The following NTM variants were observed in gnomAD, a reference collection of about 807,000 sequenced individuals.
NTM encodes the protein neurotrimin, also known as IgLON family member 2.
A neutral mutation model predicts 42.1 loss-of-function variants in NTM; 13 were observed. The ratio of observed to expected loss-of-function variants is 0.31; its 90% confidence interval spans 0.20 to 0.49. The LOEUF (loss-of-function observed/expected upper bound fraction) is 0.49. Ranked by LOEUF, NTM falls within the 20% of genes least tolerant of loss-of-function variation. The pLI is 0.99. For missense variants in NTM, 373 were observed against 452.8 expected (o/e 0.82, Z 1.60); for synonymous variants, 187 against 179.2 (o/e 1.04, Z -0.35).
intron 4 of NTM, chr11:132,284,473 A>G (rs2094141289): frequency 6.5e-6 from 1 of 152,760 alleles, no homozygotes; most frequent in South Asian, 2.1e-4. Flanking sequence ...CCTCAGTTTA[A>G]CTGCATGACC....
At chr11:131,861,159 A>C (rs2046591906) in intron 1 of NTM, among the ~76,000 whole-genome samples, 1 of 152,152 alleles carries the variant, frequency 6.6e-6, no homozygotes. Flanking sequence ...CCAAAAGAAG[A>C]CATCATTTTC....
rs564140251 is a variant in NTM at position 131,928,386 on chromosome 11, G to A, written c.167+16738G>A. ...TAATACATTCCATTAGCAAAAACAA[G>A]TTAAAATGCTTAGGCATGTATAGAG... On this transcript the variant is annotated intron_variant, in intron 2 of 8. Coordinates refer to ENST00000683400, the MANE Select transcript of NTM (RefSeq NM_001352005.2). 3.3e-5 allele frequency among the ~76,000 whole-genome samples: 5 copies of A among 152,334 alleles called. No homozygotes were observed. In the East Asian group the frequency reaches 9.6e-4, roughly 29 times the overall value.
chr11:132,059,484 G>A (rs1287012919), intron 2 of NTM, among the ~76,000 whole-genome samples: 1 of 152,206 alleles, frequency 6.6e-6, no homozygotes, highest in Non-Finnish European at 1.5e-5. Flanking sequence ...CACATTCTTT[G>A]TATTTTGAAA....
chr11:132,154,811 G>T (rs2072813013), intron 3 of NTM, among the ~76,000 whole-genome samples: 1 of 152,190 alleles, frequency 6.6e-6, no homozygotes, highest in Non-Finnish European at 1.5e-5. Context: ...GTAAATAATT[G>T]TCTAACATTG....
chr11:132,189,954 A>G (rs565641272), intron 3 of NTM, among the ~76,000 whole-genome samples: 15 of 152,344 alleles, frequency 9.8e-5, no homozygotes, highest in Admixed American at 2.0e-4. Context: ...AGAATCTCAT[A>G]TTCTTGTGGG....
intron 4 of NTM, among the ~76,000 whole-genome samples, chr11:132,219,381 G>A (rs938443575): frequency 6.6e-6 from 1 of 152,074 alleles, no homozygotes; most frequent in African/African-American, 2.4e-5. Flanking sequence ...ATGCTGTTTT[G>A]TCTTTAGTGT....
chr11:131,758,957 A>T (rs1444814391), intron 1 of NTM, among the ~76,000 whole-genome samples: 1 of 152,190 alleles, frequency 6.6e-6, no homozygotes, highest in Non-Finnish European at 1.5e-5. Context: ...TGACTCTTTG[A>T]ACATGAGTGG....
chr11:132,161,157 G>A (rs1183424976), intron 3 of NTM, among the ~76,000 whole-genome samples: 2 of 152,054 alleles, frequency 1.3e-5, no homozygotes, highest in Non-Finnish European at 2.9e-5. Context: ...AGGTGAGGAG[G>A]AGTTGAGCTC....
intron 1 of NTM, among the ~76,000 whole-genome samples, chr11:131,784,532 C>T (rs113167629): frequency 0.055 from 8,300 of 152,168 alleles, 775 homozygotes; most frequent in African/African-American, 0.19. Context: ...TCATGTAAAG[C>T]TCTAGAATAG....
chr11:131,688,250 T>C (rs972431360), intron 1 of NTM, among the ~76,000 whole-genome samples: 1 of 152,092 alleles, frequency 6.6e-6, no homozygotes, highest in Admixed American at 6.5e-5. Flanking sequence ...AGGGCCCCTC[T>C]CAGCGGACTC....
At chr11:132,321,478 A>C (rs529610388) in intron 7 of NTM, among the ~76,000 whole-genome samples, 1 of 152,362 alleles carries the variant, frequency 6.6e-6, no homozygotes, top group South Asian at 2.1e-4. Context: ...GTTTAGAGAA[A>C]AAAAGAATAA....
intron 1 of NTM, among the ~76,000 whole-genome samples, chr11:131,522,919 GC>G (rs1257589373): frequency 1.3e-5 from 2 of 152,230 alleles, no homozygotes. Context: ...TGACGACCAA[GC>G]ATTAGTATTT....
intron 2 of NTM, among the ~76,000 whole-genome samples, chr11:131,942,520 A>AG (rs755221133): frequency 2.0e-5 from 3 of 152,168 alleles, no homozygotes; most frequent in Non-Finnish European, 2.9e-5. Context: ...TGGGCCTGGA[A>AG]GGGGAATGAT....
At chr11:131,906,025 G>A (rs539462911) in intron 1 of NTM, among the ~76,000 whole-genome samples, 40 of 152,118 alleles carry the variant, frequency 2.6e-4, no homozygotes, top group Non-Finnish European at 3.5e-4. Context: ...TTTCATGAAC[G>A]TTAATGGAAA....
intron 1 of NTM, among the ~76,000 whole-genome samples, chr11:131,516,295 C>T (rs749877741): frequency 6.6e-6 from 1 of 152,148 alleles, no homozygotes; most frequent in Admixed American, 6.5e-5. Flanking sequence ...AATTCAGGGG[C>T]GTGTAGTACA....
intron 2 of NTM, among the ~76,000 whole-genome samples, chr11:131,948,660 G>T (rs1432886710): frequency 1.3e-5 from 2 of 152,152 alleles, no homozygotes; most frequent in Non-Finnish European, 2.9e-5. Flanking sequence ...CATCCTCATG[G>T]TATCTCAAGG....
chr11:132,118,911 G>A (rs1398143500), intron 2 of NTM, among the ~76,000 whole-genome samples: 2 of 152,094 alleles, frequency 1.3e-5, no homozygotes, highest in Non-Finnish European at 2.9e-5. Context: ...ATATTTTAAG[G>A]ATGATGTCCT....
At chr11:131,956,143 G>A (rs184309888) in intron 2 of NTM, among the ~76,000 whole-genome samples, 184 of 152,236 alleles carry the variant, frequency 1.2e-3, no homozygotes, top group African/African-American at 4.0e-3. Flanking sequence ...TACATTAGCC[G>A]CACTATAGAG....
intron 1 of NTM, among the ~76,000 whole-genome samples, chr11:131,559,404 A>C (rs2136983703): frequency 6.6e-6 from 1 of 152,328 alleles, no homozygotes; most frequent in East Asian, 1.9e-4. Context: ...TTTTACTTTT[A>C]AGAATATGCT....
Sources: allele counts gnomAD v4.1 joint callset (sites outside exome capture counted in the v4.1 genomes callset), GRCh38; gene constraint gnomAD v4.1.1; transcripts MANE v1.5; gene names NCBI Gene and HGNC (gene_info 2026-07-23, HGNC 2026-07-21).